The following RBFOX1 variants were observed in gnomAD, a reference collection of about 807,000 sequenced individuals.
RBFOX1 encodes RNA binding fox-1 homolog 1.
RBFOX1 carries 8 observed loss-of-function variants against 57.7 expected under a neutral mutation model. The observed-to-expected ratio is 0.14, with a 90% CI of 0.08 to 0.25. The LOEUF (loss-of-function observed/expected upper bound fraction) is 0.25. Ranked by LOEUF, RBFOX1 falls within the 10% of genes least tolerant of loss-of-function variation. The pLI, the probability that RBFOX1 is intolerant of heterozygous loss-of-function variation, is 1.00. For missense variants in RBFOX1, 611 were observed against 548.5 expected, an observed-to-expected ratio of 1.11 and a Z score of -1.14; for synonymous variants, 326 against 222.4, an observed-to-expected ratio of 1.47 and a Z score of -4.15.
intron 2 of RBFOX1, among the ~76,000 whole-genome samples, chr16:6,495,666 C>G (rs1201192350): frequency 1.3e-5 from 2 of 152,206 alleles, no homozygotes; most frequent in African/African-American, 2.4e-5. Context: ...ATGGATGCCT[C>G]TTATGGCTTT....
intron 3 of RBFOX1, among the ~76,000 whole-genome samples, chr16:6,740,073 C>G (rs1166600639): frequency 1.3e-5 from 2 of 152,090 alleles, no homozygotes; most frequent in East Asian, 1.9e-4. Flanking sequence ...TGCACCCCAA[C>G]CTAATGAGGA....
intron 2 of RBFOX1, among the ~76,000 whole-genome samples, chr16:6,339,100 A>G (rs2084170777): frequency 6.6e-6 from 1 of 152,210 alleles, no homozygotes; most frequent in Non-Finnish European, 1.5e-5. Flanking sequence ...CGGGCAGAAA[A>G]CAAAACTCAT....
chr16:5,460,934 G>A (rs970817149), intron 1 of RBFOX1, among the ~76,000 whole-genome samples: 4 of 152,292 alleles, frequency 2.6e-5, no homozygotes, highest in African/African-American at 9.6e-5. Context: ...AGGAAGGGGG[G>A]TGGGTGGTGA....
intron 13 of RBFOX1, among the ~76,000 whole-genome samples, chr16:7,666,386 C>G (rs533807315): frequency 4.6e-4 from 47 of 103,260 alleles, no homozygotes; most frequent in Admixed American, 4.4e-4. Context: ...AACACCTACC[C>G]AAGAAAAAAA....
chr16:6,862,683 A>G lies in RBFOX1; in HGVS notation c.-15-189374A>G, dbSNP rs79700094. 0.017 allele frequency among the ~76,000 whole-genome samples: 2,518 copies of G among 152,236 alleles called. 154 individuals carry two copies. The East Asian group carries it at 0.2, about 12-fold the overall frequency. The stretch of plus-strand genomic sequence containing the variant: ...TGAACAGAGCTGGAGGTAGAATTGG[A>G]ATCATCACAGATGCTGTTTAAGAAT... On this transcript the variant is annotated intron_variant, in intron 3 of 15. Transcript: ENST00000550418.
intron 3 of RBFOX1, among the ~76,000 whole-genome samples, chr16:6,910,436 C>T (rs1207266615): frequency 6.6e-6 from 1 of 152,188 alleles, no homozygotes; most frequent in East Asian, 1.9e-4. Flanking sequence ...AGGTTCAATG[C>T]TGGAGTAAAA....
intron 10 of RBFOX1, among the ~76,000 whole-genome samples, chr16:7,629,356 A>G (rs2060572953): frequency 2.0e-5 from 3 of 152,214 alleles, no homozygotes; most frequent in African/African-American, 7.2e-5. Context: ...GAAGGAGCAT[A>G]GAACCATTCC....
intron 4 of RBFOX1, among the ~76,000 whole-genome samples, chr16:7,389,062 T>C (rs550064596): frequency 6.6e-6 from 1 of 152,304 alleles, no homozygotes; most frequent in Non-Finnish European, 1.5e-5. Flanking sequence ...CCATATGTAA[T>C]ATGTTCAGTG....
intron 1 of RBFOX1, among the ~76,000 whole-genome samples, chr16:6,308,064 T>A (rs1468975864): frequency 6.6e-6 from 1 of 151,162 alleles, no homozygotes; most frequent in Non-Finnish European, 1.5e-5. Flanking sequence ...GTTATTTACA[T>A]ATTTTATAAT....
At chr16:6,532,063 A>G (rs1441002314) in intron 2 of RBFOX1, among the ~76,000 whole-genome samples, 4 of 152,184 alleles carry the variant, frequency 2.6e-5, no homozygotes, top group Admixed American at 2.0e-4. Context: ...CCGTCCATGT[A>G]TCATTCTGCT....
chr16:6,949,905 C>G (rs1334856482), intron 3 of RBFOX1, among the ~76,000 whole-genome samples: 4 of 151,548 alleles, frequency 2.6e-5, no homozygotes, highest in Non-Finnish European at 4.4e-5. Flanking sequence ...TGTCTTCATC[C>G]TCAGCGTAGG....
intron 3 of RBFOX1, among the ~76,000 whole-genome samples, chr16:6,818,287 G>A (rs942154184): frequency 3.3e-5 from 5 of 152,086 alleles, no homozygotes; most frequent in African/African-American, 1.2e-4. Flanking sequence ...ATTCACCTGT[G>A]TGTGCGTCTT....
intron 3 of RBFOX1, among the ~76,000 whole-genome samples, chr16:6,723,301 C>T (rs140732311): frequency 2.6e-4 from 39 of 152,110 alleles, no homozygotes; most frequent in Non-Finnish European, 4.7e-4. Context: ...ATATAGGCAC[C>T]TACTGTATCA....
At chr16:7,657,857 C>A (rs2066714924) in intron 12 of RBFOX1, among the ~76,000 whole-genome samples, 1 of 152,146 alleles carries the variant, frequency 6.6e-6, no homozygotes, top group South Asian at 2.1e-4. Context: ...TGATTGCCAA[C>A]ATCAATTGAA....
chr16:5,840,766 C>G (rs61099666), intron 3 of RBFOX1, among the ~76,000 whole-genome samples: 9,794 of 152,132 alleles, frequency 0.064, 661 homozygotes, highest in African/African-American at 0.17. Flanking sequence ...GTGTGATCCA[C>G]CTGGGGATGC....
At chr16:7,569,928 G>C (rs56725026) in intron 5 of RBFOX1, among the ~76,000 whole-genome samples, 23,673 of 150,734 alleles carry the variant, frequency 0.16, 2,228 homozygotes, top group African/African-American at 0.27. Context: ...TGTAAGTACT[G>C]ATACTTGATT....
intron 2 of RBFOX1, among the ~76,000 whole-genome samples, chr16:5,531,267 G>A (rs1368703753): frequency 1.3e-5 from 2 of 152,184 alleles, no homozygotes; most frequent in Non-Finnish European, 2.9e-5. Context: ...AAGGGATGGG[G>A]TGGGAAGGAG....
At chr16:6,427,397 G>A (rs2093960228) in intron 2 of RBFOX1, among the ~76,000 whole-genome samples, 1 of 152,196 alleles carries the variant, frequency 6.6e-6, no homozygotes, top group African/African-American at 2.4e-5. Context: ...ATGGCTGGTG[G>A]TACAGGGAGT....
At chr16:7,398,268 T>G (rs563055925) in intron 4 of RBFOX1, among the ~76,000 whole-genome samples, 10 of 152,266 alleles carry the variant, frequency 6.6e-5, no homozygotes, top group African/African-American at 2.4e-4. Flanking sequence ...GAATCTTATG[T>G]TTTTCTTTCC....
Sources: gnomAD v4.1 joint callset for allele counts (sites outside exome capture counted in the v4.1 genomes callset) on GRCh38, gnomAD v4.1.1 for gene constraint, MANE v1.5 for transcripts, NCBI Gene and HGNC (gene_info 2026-07-23, HGNC 2026-07-21) for gene names.